The following SMAP2 variants were observed in gnomAD, a reference collection of about 807,000 sequenced individuals.
The protein encoded by SMAP2 is small ArfGAP2.
A neutral mutation model predicts 56.4 loss-of-function variants in SMAP2; 25 were observed. The ratio of observed to expected loss-of-function variants is 0.44; its 90% CI spans 0.32 to 0.62. The LOEUF (loss-of-function observed/expected upper bound fraction) is 0.62. Ranked by LOEUF, SMAP2 falls within the 20% of genes least tolerant of loss-of-function variation. The pLI is 0.04. For synonymous variants in SMAP2, 157 were observed against 181.7 expected, an observed-to-expected ratio of 0.86 and a Z score of 1.09; for missense variants, 388 against 545.6, an observed-to-expected ratio of 0.71 and a Z score of 2.88.
At chr1:40,412,971 A>T in intron 4 of SMAP2, 45 bp from the exon 5 acceptor site, 2 of 1,378,978 alleles carry the variant, frequency 1.5e-6, no homozygotes, top group Non-Finnish European at 2.0e-6. Context: ...TCCAACTATT[A>T]GTCACCTTGG....
Position 40,374,278 on chromosome 1 carries a change from T to G in SMAP2, c.103+55T>G. ...TCCAGCCGCGCCGGGGTGGTGGGGGTGGGCTGCGTGAAGAGGCGGTTTCTG... is the reference window on the plus strand; with the variant it reads ...TCCAGCCGCGCCGGGGTGGTGGGGGGGGGCTGCGTGAAGAGGCGGTTTCTG... On this transcript the variant is annotated intron_variant, in intron 1 of 9. Transcript: ENST00000372718. This position sits in a 1 kb window ranked among gnomAD's most constrained non-coding sequence, Gnocchi z 5.9. 2.7e-6 allele frequency: 4 copies of G among 1,469,064 alleles called. No individual in the cohort carries two copies. The highest frequency in any genetic ancestry group is 3.8e-6 in the Non-Finnish European group (4 of 1,065,848). The allele number at this position is 1,469,064 out of a possible 1,614,324, so 91.0% of individuals were successfully genotyped here. A position where few individuals can be genotyped will look rare whatever the true frequency, so the allele number is the denominator to read the frequency against.
At chr1:40,378,038 GTATAAT>G (rs1644558546) in intron 1 of SMAP2, among the ~76,000 whole-genome samples, 1 of 152,156 alleles carries the variant, frequency 6.6e-6, no homozygotes, top group Middle Eastern at 3.2e-3. Flanking sequence ...TTGTTACTCT[GTATAAT>G]TTAGGGAATA....
At chr1:40,413,167 A>C in intron 5 of SMAP2, 65 bp downstream of exon 5, 1 of 1,277,940 alleles carries the variant, frequency 7.8e-7, no homozygotes, top group Non-Finnish European at 1.1e-6. Flanking sequence ...TGAAAGGGAA[A>C]GTAGGAGGTC....
At chr1:40,392,282 G>A (rs1644724592) in intron 1 of SMAP2, among the ~76,000 whole-genome samples, 1 of 151,996 alleles carries the variant, frequency 6.6e-6, no homozygotes, top group Non-Finnish European at 1.5e-5. Flanking sequence ...GCTGATTGGG[G>A]TAGAGTGTGT....
rs1391315 is a variant in SMAP2, at chr1:40,386,710, T to G, written c.103+12487T>G. On this transcript the variant is annotated intron_variant, in intron 1 of 9. Transcript: ENST00000372718. The surrounding 1 kb of genome is among the most constrained non-coding windows in gnomAD (Gnocchi z 4.1). ...AGCTGGGGAGATAGGAGGATCCCTG[T>G]GCTTATAATCTAAACATCAGTAAAT... is the stretch of plus-strand genomic sequence containing the variant. 0.053 allele frequency among the ~76,000 whole-genome samples: 8,084 copies of G among 151,676 alleles called. 359 individuals are homozygous for G. Among genetic ancestry groups the G allele is most frequent in the East Asian group, 0.19 (997 of 5,156 alleles).
At chr1:40,418,675 T>G (rs1272167794) in intron 9 of SMAP2, among the ~76,000 whole-genome samples, 1 of 152,148 alleles carries the variant, frequency 6.6e-6, no homozygotes, top group East Asian at 1.9e-4. Context: ...AATCTGTTAC[T>G]TAGAACAAAC....
intron 1 of SMAP2, among the ~76,000 whole-genome samples, chr1:40,378,135 T>G (rs1347446754): frequency 6.6e-6 from 1 of 152,138 alleles, no homozygotes; most frequent in Non-Finnish European, 1.5e-5. Flanking sequence ...TCCTTTTTAT[T>G]TTTTTTAGAG....
chr1:40,354,431 C>T lies in SMAP2; in HGVS notation c.-82-7869C>T, dbSNP rs1215504851. 4.0e-5 allele frequency among the ~76,000 whole-genome samples: 6 copies of T among 151,860 alleles called. No individual in the cohort carries two copies. In the South Asian group the frequency reaches 1.0e-3, roughly 26 times the overall value. On this transcript the variant is annotated intron_variant, in intron 1 of 6. Transcript: ENST00000435168. ...TCCCGGCTCACTGATCTCCGCCTCC[C>T]GGGTTCAAGTGATTCTCCTGCCTCA...
chr1:40,419,576 C>T (rs1569932637), intron 9 of SMAP2, among the ~76,000 whole-genome samples: 2 of 152,132 alleles, frequency 1.3e-5, no homozygotes, highest in Admixed American at 6.5e-5. Flanking sequence ...TGAGCCACTG[C>T]GCCCAGCTGA....
At chr1:40,418,414 A>C (rs1250548445) in intron 9 of SMAP2, among the ~76,000 whole-genome samples, 2 of 152,238 alleles carry the variant, frequency 1.3e-5, no homozygotes, top group Non-Finnish European at 2.9e-5. Flanking sequence ...AAGAAAACTT[A>C]CATATATTTG....
intron 1 of SMAP2, among the ~76,000 whole-genome samples, chr1:40,392,238 T>G (rs879734102): frequency 4.6e-5 from 7 of 152,206 alleles, no homozygotes; most frequent in Non-Finnish European, 7.4e-5. Context: ...AAATTCACAT[T>G]CTGCACTTGG....
chr1:40,376,462 T>A (rs780959173), intron 1 of SMAP2, among the ~76,000 whole-genome samples: 1 of 152,198 alleles, frequency 6.6e-6, no homozygotes, highest in Non-Finnish European at 1.5e-5. Context: ...AAAAATGAGA[T>A]GACAATGGGT....
intron 1 of SMAP2, among the ~76,000 whole-genome samples, chr1:40,406,178 A>G (rs1644884402): frequency 2.0e-5 from 3 of 152,112 alleles, no homozygotes; most frequent in Admixed American, 2.0e-4. Context: ...TTGGGAGAGG[A>G]CTGTTTATGT....
At chr1:40,399,351 G>C (rs974964766) in intron 1 of SMAP2, among the ~76,000 whole-genome samples, 1 of 131,690 alleles carries the variant, frequency 7.6e-6, no homozygotes, top group Non-Finnish European at 1.6e-5. Context: ...GTAGAGATGG[G>C]GTTTCACCAT....
chr1:40,373,723 C>G, upstream of SMAP2: 1 of 170,986 alleles, frequency 5.8e-6, no homozygotes, highest in Non-Finnish European at 1.3e-5. Flanking sequence ...CGGAAGTAGG[C>G]GGTGGAGGTG....
intron 1 of SMAP2, among the ~76,000 whole-genome samples, chr1:40,399,338 TTA>T (rs1553120196): frequency 7.7e-6 from 1 of 130,288 alleles, no homozygotes; most frequent in Non-Finnish European, 1.7e-5. Flanking sequence ...TTTTGTATTT[TTA>T]GTAGAGATGG....
At chr1:40,384,619 G>C (rs1434756298) in intron 1 of SMAP2, among the ~76,000 whole-genome samples, 1 of 152,178 alleles carries the variant, frequency 6.6e-6, no homozygotes, top group African/African-American at 2.4e-5. Flanking sequence ...GTGTGAGTAT[G>C]TTTGCTTTTA....
chr1:40,348,915 C>A (rs1053408675), intron 1 of SMAP2, among the ~76,000 whole-genome samples: 2 of 151,996 alleles, frequency 1.3e-5, no homozygotes, highest in African/African-American at 2.4e-5. Flanking sequence ...GGACTACAGG[C>A]ACATGCCACC....
Position 40,414,270 on chromosome 1 carries a change from T to G in SMAP2, c.571+30T>G, listed in dbSNP as rs1404894926. ...GAGTTGGACTTTTCAGCTTCCATGT[T>G]CTTACAAATTTTGATAAATTCTCAG... On this transcript the variant is annotated intron_variant, in intron 6 of 9. Transcript: ENST00000372718. The G allele has an allele frequency of 3.1e-6, 5 of 1,604,560 alleles. No individual in the cohort carries two copies. In the East Asian group the frequency reaches 1.1e-4, roughly 36 times the overall value.
Sources: gnomAD v4.1 joint callset for allele counts (sites outside exome capture counted in the v4.1 genomes callset) on GRCh38, gnomAD v4.1.1 for gene constraint, Gnocchi (gnomAD v3.1) non-coding constraint, MANE v1.5 for transcripts, NCBI Gene and HGNC (gene_info 2026-07-23, HGNC 2026-07-21) for gene names.